Variants in GALNT17 observed in about 807,000 individuals in gnomAD.
GALNT17 encodes polypeptide N-acetylgalactosaminyltransferase 17.
A neutral mutation model predicts 63.7 loss-of-function variants in GALNT17; 29 were observed. That is an observed-to-expected ratio of 0.46 (90% CI 0.34 to 0.62). The LOEUF (loss-of-function observed/expected upper bound fraction) is 0.62, where lower values mean the gene tolerates loss of function less well. Among genes scored for constraint, GALNT17 ranks in the 20% least tolerant of loss-of-function variants. The pLI is 0.01. For synonymous variants in GALNT17, 305 were observed against 318.3 expected, an observed-to-expected ratio of 0.96 and a Z score of 0.45; for missense variants, 603 against 799.6, an observed-to-expected ratio of 0.75 and a Z score of 2.97.
intron 1 of GALNT17, among the ~76,000 whole-genome samples, chr7:71,144,237 C>G (rs1787971773): frequency 6.6e-6 from 1 of 152,086 alleles, no homozygotes; most frequent in South Asian, 2.1e-4. Context: ...CAGAAATCCC[C>G]TTGTCAGCTC....
At chr7:71,258,314 T>C (rs1401266697) in intron 1 of GALNT17, among the ~76,000 whole-genome samples, 1 of 152,250 alleles carries the variant, frequency 6.6e-6, no homozygotes, top group Non-Finnish European at 1.5e-5. Flanking sequence ...CTAAGTGCAA[T>C]GCTGATTCAT....
At chr7:71,193,454 C>CATT (rs1788989989) in intron 1 of GALNT17, among the ~76,000 whole-genome samples, 1 of 107,320 alleles carries the variant, frequency 9.3e-6, no homozygotes. Context: ...ACGCTTTTGT[C>CATT]TTTTTTTTTT....
chr7:71,593,661 G>A (rs988936340), intron 6 of GALNT17, among the ~76,000 whole-genome samples: 21 of 152,174 alleles, frequency 1.4e-4, no homozygotes, highest in African/African-American at 5.1e-4. Flanking sequence ...TATGCAACCA[G>A]TGTCTGCCTT....
At chr7:71,611,783 C>T (rs1211589713) in intron 6 of GALNT17, among the ~76,000 whole-genome samples, 1 of 151,894 alleles carries the variant, frequency 6.6e-6, no homozygotes, top group South Asian at 2.1e-4. Flanking sequence ...AGAATAACCT[C>T]GGATGCCCTG....
chr7:71,472,993 A>C (rs2116620252), intron 5 of GALNT17, among the ~76,000 whole-genome samples: 1 of 152,320 alleles, frequency 6.6e-6, no homozygotes, highest in African/African-American at 2.4e-5. Context: ...AATTTATGAG[A>C]CAAGAATTGT....
chr7:71,533,654 C>T (rs1268665858), intron 5 of GALNT17, among the ~76,000 whole-genome samples: 1 of 152,152 alleles, frequency 6.6e-6, no homozygotes, highest in African/African-American at 2.4e-5. Flanking sequence ...TATAGGTTCG[C>T]TTTGCATGCT....
intron 1 of GALNT17, among the ~76,000 whole-genome samples, chr7:71,166,777 G>A (rs60763510): frequency 0.08 from 12,126 of 152,092 alleles, 547 homozygotes; most frequent in South Asian, 0.14. Flanking sequence ...GCTATTTCCA[G>A]TGAAACTGTC....
At chr7:71,504,376 C>T (rs1788231605) in intron 5 of GALNT17, among the ~76,000 whole-genome samples, 1 of 151,858 alleles carries the variant, frequency 6.6e-6, no homozygotes. Context: ...GGCGACAGAG[C>T]TAGACTCCGT....
At chr7:71,636,439 G>C (rs145306036) in intron 6 of GALNT17, among the ~76,000 whole-genome samples, 1 of 152,268 alleles carries the variant, frequency 6.6e-6, no homozygotes, top group Non-Finnish European at 1.5e-5. Flanking sequence ...CATCTCCCCT[G>C]TAACAGGAGG....
chr7:71,521,258 C>T (rs1041947515), intron 5 of GALNT17, among the ~76,000 whole-genome samples: 11 of 151,006 alleles, frequency 7.3e-5, no homozygotes, highest in Non-Finnish European at 1.6e-4. Flanking sequence ...AAATCAGGTT[C>T]TAGGGCTGTG....
intron 6 of GALNT17, among the ~76,000 whole-genome samples, chr7:71,646,747 CTTT>C (rs60956531): frequency 4.7e-5 from 6 of 128,102 alleles, no homozygotes; most frequent in African/African-American, 1.8e-4. Flanking sequence ...TCCAAGTTTC[CTTT>C]TTTTTTTTTT....
intron 1 of GALNT17, among the ~76,000 whole-genome samples, chr7:71,232,852 G>A (rs1359373589): frequency 6.6e-6 from 1 of 152,150 alleles, no homozygotes; most frequent in East Asian, 1.9e-4. Context: ...GTGCTGATGG[G>A]TGTATGTTAT....
intron 1 of GALNT17, among the ~76,000 whole-genome samples, chr7:71,288,132 C>G (rs1208891238): frequency 2.8e-5 from 4 of 142,082 alleles, no homozygotes. Context: ...AGGAGAATCA[C>G]TTGAACCCGT....
At chr7:71,313,476 A>C (rs558992305) in intron 1 of GALNT17, among the ~76,000 whole-genome samples, 1 of 152,238 alleles carries the variant, frequency 6.6e-6, no homozygotes, top group Non-Finnish European at 1.5e-5. Flanking sequence ...TTTCTCCTGC[A>C]GTGGGCCAAC....
chr7:71,191,579 T>C (rs961565968), intron 1 of GALNT17, among the ~76,000 whole-genome samples: 1 of 152,238 alleles, frequency 6.6e-6, no homozygotes, highest in African/African-American at 2.4e-5. Context: ...GATAATTAGC[T>C]GACCCCAATA....
chr7:71,316,332 G>C (rs1791500118), intron 1 of GALNT17, among the ~76,000 whole-genome samples: 1 of 149,548 alleles, frequency 6.7e-6, no homozygotes. Context: ...TCTTGGCTCT[G>C]GTCACTCAAG....
At chr7:71,519,062 C>T (rs960820758) in intron 5 of GALNT17, among the ~76,000 whole-genome samples, 2 of 152,120 alleles carry the variant, frequency 1.3e-5, no homozygotes, top group Non-Finnish European at 2.9e-5. Context: ...TACCCTCAGG[C>T]TTGGGTGGCT....
intron 1 of GALNT17, among the ~76,000 whole-genome samples, chr7:71,230,463 T>C (rs934444824): frequency 1.3e-5 from 2 of 152,094 alleles, no homozygotes; most frequent in South Asian, 4.2e-4. Flanking sequence ...GAACAACAGC[T>C]TTCTCTTCTT....
chr7:71,160,557 C>T (rs1345650206), intron 1 of GALNT17, among the ~76,000 whole-genome samples: 1 of 152,090 alleles, frequency 6.6e-6, no homozygotes, highest in Non-Finnish European at 1.5e-5. Flanking sequence ...CTCCTGGGTT[C>T]AAGAGATTGT....
Sources: gnomAD v4.1 joint callset for allele counts (sites outside exome capture counted in the v4.1 genomes callset) on GRCh38, gnomAD v4.1.1 for gene constraint, MANE v1.5 for transcripts, NCBI Gene and HGNC (gene_info 2026-07-23, HGNC 2026-07-21) for gene names.